Variants in PARD3B observed in about 807,000 individuals in gnomAD.
PARD3B encodes par-3 family cell polarity regulator beta.
Under a neutral mutation model 130.2 loss-of-function variants are expected in PARD3B, and 103 were observed. That is an observed-to-expected ratio of 0.79 (90% CI 0.67 to 0.93). The LOEUF (loss-of-function observed/expected upper bound fraction) is 0.93. Among genes scored for constraint, PARD3B ranks in the 40% least tolerant of loss-of-function variants. The pLI is 0.00. For synonymous variants in PARD3B, 583 were observed against 553.2 expected (o/e 1.05, Z -0.76); for missense variants, 1,609 against 1,499.2 (o/e 1.07, Z -1.21).
chr2:204,976,069 C>T (rs1404793797), intron 3 of PARD3B, among the ~76,000 whole-genome samples: 2 of 152,048 alleles, frequency 1.3e-5, no homozygotes, highest in South Asian at 2.1e-4. Flanking sequence ...AAGAGTTATG[C>T]GAGGTTAGGC....
chr2:205,340,392 A>C (rs1308564527), intron 18 of PARD3B, among the ~76,000 whole-genome samples: 1 of 152,172 alleles, frequency 6.6e-6, no homozygotes, highest in Non-Finnish European at 1.5e-5. Context: ...TGATATTAGT[A>C]TAAAAACATA....
intron 18 of PARD3B, among the ~76,000 whole-genome samples, chr2:205,342,840 A>C (rs565249824): frequency 6.6e-6 from 1 of 152,150 alleles, no homozygotes; most frequent in African/African-American, 2.4e-5. Context: ...CTTTGATTTT[A>C]TAATGTAAGT....
chr2:204,713,742 C>A (rs376997978), intron 2 of PARD3B, among the ~76,000 whole-genome samples: 1 of 152,114 alleles, frequency 6.6e-6, no homozygotes, highest in Non-Finnish European at 1.5e-5. Flanking sequence ...TCTCCACCCC[C>A]CTTTATATAA....
chr2:204,561,736 C>T (rs1260254893), intron 1 of PARD3B, among the ~76,000 whole-genome samples: 1 of 151,872 alleles, frequency 6.6e-6, no homozygotes, highest in African/African-American at 2.4e-5. Flanking sequence ...GCTGGGATTA[C>T]AGGTGCACGC....
chr2:205,527,310 C>A (rs574533994), intron 21 of PARD3B, among the ~76,000 whole-genome samples: 2 of 152,050 alleles, frequency 1.3e-5, no homozygotes, highest in South Asian at 2.1e-4. Context: ...GTAGACCAGG[C>A]CTTTGACAAG....
intron 16 of PARD3B, among the ~76,000 whole-genome samples, chr2:205,264,497 A>G (rs1465553560): frequency 7.9e-5 from 12 of 151,154 alleles, no homozygotes; most frequent in Admixed American, 2.0e-4. Flanking sequence ...AAATTGACTT[A>G]TATATTTATA....
chr2:205,230,555 G>T lies in PARD3B; in HGVS notation c.2141-15223G>T, dbSNP rs1033611199. 7.2e-5 allele frequency among the ~76,000 whole-genome samples: 11 copies of T among 152,124 alleles called. No individual in the cohort carries two copies. Among genetic ancestry groups the T allele is most frequent in the African/African-American group, 2.4e-4 (10 of 41,434 alleles). Reference sequence around the variant, plus strand: ...TCCCTCTTTTCTCCTCTAGCAGAAGGCAGGAGTCTCTCCTGGAGCCGTGAG... The same window carrying T: ...TCCCTCTTTTCTCCTCTAGCAGAAGTCAGGAGTCTCTCCTGGAGCCGTGAG... On this transcript the variant is annotated intron_variant, in intron 15 of 22. Transcript: ENST00000406610. This position sits in a 1 kb window ranked among gnomAD's most constrained non-coding sequence, Gnocchi z 4.1.
At chr2:205,295,692 T>G (rs2041764022) in intron 16 of PARD3B, among the ~76,000 whole-genome samples, 1 of 152,204 alleles carries the variant, frequency 6.6e-6, no homozygotes, top group Non-Finnish European at 1.5e-5. Flanking sequence ...TCTTCTGGAT[T>G]AAGACATTCT....
chr2:205,400,641 C>CAAAAAA (rs375044318), intron 18 of PARD3B, among the ~76,000 whole-genome samples: 1 of 137,690 alleles, frequency 7.3e-6, no homozygotes, highest in African/African-American at 2.7e-5. Context: ...GACGCTGTCT[C>CAAAAAA]AAAAAAAAAA....
intron 3 of PARD3B, among the ~76,000 whole-genome samples, chr2:205,038,155 G>T (rs946762737): frequency 6.6e-6 from 1 of 152,148 alleles, no homozygotes; most frequent in Admixed American, 6.5e-5. Flanking sequence ...TGTAGTATAA[G>T]ATATAATTAG....
At position 205,619,268 on chromosome 2, in the gene PARD3B, G is replaced by A. The variant is rs2055527498; in HGVS notation, c.*3455G>A. Reference sequence around the variant, plus strand: ...GCACAAATATCAAGCCTATAAAAAAGTAATTATTTCCCCAAACCTGTAACC... The same window carrying A: ...GCACAAATATCAAGCCTATAAAAAAATAATTATTTCCCCAAACCTGTAACC... On this transcript the variant is annotated 3_prime_UTR_variant, in exon 23 of 23. Coordinates refer to ENST00000406610, the MANE Select transcript of PARD3B (RefSeq NM_001302769.2). 6.6e-6 allele frequency: 1 copy of A among 152,148 alleles called. No individual in the cohort carries two copies. Among genetic ancestry groups the A allele is most frequent in the South Asian group, 2.1e-4 (1 of 4,826 alleles). 9.4% of individuals were successfully genotyped at this position (152,148 alleles called of 1,614,324 possible). A position where few individuals can be genotyped will look rare whatever the true frequency, so the allele number is the denominator to read the frequency against.
chr2:204,827,815 T>A (rs909461291), intron 2 of PARD3B, among the ~76,000 whole-genome samples: 1 of 152,220 alleles, frequency 6.6e-6, no homozygotes, highest in African/African-American at 2.4e-5. Context: ...AAGTGCTATC[T>A]TCGTTCCCTG....
intron 2 of PARD3B, among the ~76,000 whole-genome samples, chr2:204,806,683 TACTC>T (rs531233781): frequency 2.0e-3 from 308 of 152,148 alleles, no homozygotes; most frequent in African/African-American, 7.1e-3. Context: ...ACAATGGAAA[TACTC>T]AACAAAGTGA....
chr2:204,646,520 T>C (rs1411889771), intron 1 of PARD3B, among the ~76,000 whole-genome samples: 1 of 152,088 alleles, frequency 6.6e-6, no homozygotes, highest in Non-Finnish European at 1.5e-5. Flanking sequence ...ACGTGAATTA[T>C]CCACTCTCTT....
At chr2:204,934,504 T>C (rs1015045161) in intron 2 of PARD3B, among the ~76,000 whole-genome samples, 3 of 152,318 alleles carry the variant, frequency 2.0e-5, no homozygotes. Flanking sequence ...AATTCATTGA[T>C]TACTCAATTA....
In PARD3B at chr2:205,483,641, G is replaced by A. The variant is rs112650590; in HGVS notation, c.3045-16255G>A. Reference sequence around the variant, plus strand: ...CCAATTCCCTAGATATTTTGGACACGGTATTAAAAAGCATCTTTGAAGAAG... The same window carrying A: ...CCAATTCCCTAGATATTTTGGACACAGTATTAAAAAGCATCTTTGAAGAAG... On this transcript the variant is annotated intron_variant, in intron 20 of 22. Coordinates refer to ENST00000406610, the MANE Select transcript of PARD3B (RefSeq NM_001302769.2). Among the ~76,000 whole-genome samples the A allele has an allele frequency of 1.2e-3, 177 of 151,598 alleles. 3 individuals carry two copies. The highest frequency in any genetic ancestry group is 0.012 in the East Asian group (60 of 5,162).
In PARD3B at chr2:205,572,038, G is replaced by A. The variant is rs1559228925; in HGVS notation, c.3260+18635G>A. ...AGCAGTCGAGCTGTGGAGTTATTTT[G>A]TTTATTGTTCTGAAGTTCTATGAGC... On this transcript the variant is annotated intron_variant, in intron 22 of 22. Coordinates refer to ENST00000406610, the MANE Select transcript of PARD3B (RefSeq NM_001302769.2). The surrounding 1 kb of genome is among the most constrained non-coding windows in gnomAD (Gnocchi z 4.2). Among the ~76,000 whole-genome samples the A allele has an allele frequency of 6.6e-6, 1 of 152,116 alleles. No homozygotes were observed. The highest frequency in any genetic ancestry group is 2.4e-5 in the African/African-American group (1 of 41,416).
At chr2:204,858,493 G>A (rs1575148192) in intron 2 of PARD3B, among the ~76,000 whole-genome samples, 1 of 143,368 alleles carries the variant, frequency 7.0e-6, no homozygotes, top group East Asian at 2.0e-4. Context: ...ACTTATATGT[G>A]GAATCTAAAA....
chr2:205,436,931 C>G (rs778949605), intron 19 of PARD3B, among the ~76,000 whole-genome samples: 1 of 151,832 alleles, frequency 6.6e-6, no homozygotes, highest in Non-Finnish European at 1.5e-5. Flanking sequence ...GGTGGGAGAC[C>G]TGCTCAGGGG....
Sources: gnomAD v4.1 joint callset for allele counts (sites outside exome capture counted in the v4.1 genomes callset) on GRCh38, gnomAD v4.1.1 for gene constraint, Gnocchi (gnomAD v3.1) non-coding constraint, MANE v1.5 for transcripts, NCBI Gene and HGNC (gene_info 2026-07-23, HGNC 2026-07-21) for gene names.